The following VPS13C variants were observed in gnomAD, a reference collection of about 807,000 sequenced individuals.
The protein encoded by VPS13C is intermembrane lipid transfer protein VPS13C.
Under a neutral mutation model 456.8 loss-of-function variants are expected in VPS13C, and 358 were observed. That is an observed-to-expected ratio of 0.78 (90% CI 0.72 to 0.86). VPS13C has a LOEUF of 0.86. Ranked by LOEUF, VPS13C falls within the 40% of genes least tolerant of loss-of-function variation. The probability of loss-of-function intolerance (pLI) is 0.00; values close to 1 mark genes in which losing one functional copy is unlikely to be tolerated. For missense variants in VPS13C, 4,818 were observed against 4,385.4 expected, an observed-to-expected ratio of 1.10 and a Z score of -2.79; for synonymous variants, 1,578 against 1,486.7, an observed-to-expected ratio of 1.06 and a Z score of -1.41.
intron 40 of VPS13C, 56 bp downstream of exon 40, chr15:61,950,889 G>T (rs1159008030): frequency 3.4e-6 from 2 of 586,940 alleles, no homozygotes; most frequent in Non-Finnish European, 4.8e-6. Flanking sequence ...AAATATAAGG[G>T]TAATATAACT....
At chr15:61,909,147 T>C (rs1217762176) in intron 64 of VPS13C, 22 bp from the exon 65 acceptor site, 1 of 1,603,568 alleles carries the variant, frequency 6.2e-7, no homozygotes, top group Admixed American at 1.7e-5. Context: ...AAAAAAAAAG[T>C]ATGTTTGATG....
chr15:61,945,083 T>C (rs933859902), intron 45 of VPS13C, among the ~76,000 whole-genome samples: 1 of 152,194 alleles, frequency 6.6e-6, no homozygotes, highest in Non-Finnish European at 1.5e-5. Flanking sequence ...TAAGAGGCTC[T>C]TCACCCTAAG....
chr15:61,977,765 C>A (rs1417037076), intron 23 of VPS13C, among the ~76,000 whole-genome samples: 1 of 151,894 alleles, frequency 6.6e-6, no homozygotes, highest in Non-Finnish European at 1.5e-5. Context: ...ATGACAATGA[C>A]TGAAAATCTT....
intron 51 of VPS13C, among the ~76,000 whole-genome samples, chr15:61,928,088 T>TGCTAAATGACGAGTTAATGGGTACA (rs1317358365): frequency 2.0e-5 from 3 of 151,852 alleles, no homozygotes; most frequent in Non-Finnish European, 2.9e-5. Flanking sequence ...ATATACCTAA[T>TGCTAAATGACGAGTTAATGGGTACA]GCTAAATGAC....
intron 53 of VPS13C, among the ~76,000 whole-genome samples, chr15:61,924,910 T>C (rs2043794165): frequency 6.6e-6 from 1 of 152,208 alleles, no homozygotes; most frequent in African/African-American, 2.4e-5. Flanking sequence ...GGGCACGAGG[T>C]ATACTTAAAG....
At chr15:61,910,370 C>G in intron 63 of VPS13C, 65 bp from the exon 64 acceptor site, 1 of 1,232,416 alleles carries the variant, frequency 8.1e-7, no homozygotes, top group Non-Finnish European at 1.0e-6. Context: ...AAGACATTAC[C>G]TAATTAAATT....
intron 15 of VPS13C, among the ~76,000 whole-genome samples, chr15:62,006,116 T>C (rs1392766170): frequency 1.3e-5 from 2 of 151,900 alleles, no homozygotes; most frequent in Non-Finnish European, 2.9e-5. Context: ...TTTTTATTAT[T>C]ATTATACTTT....
chr15:61,860,249 A>C (rs1894146083), intron 82 of VPS13C, among the ~76,000 whole-genome samples: 1 of 152,194 alleles, frequency 6.6e-6, no homozygotes, highest in Non-Finnish European at 1.5e-5. Context: ...GCTCAACAGT[A>C]ATCAAAGAAA....
intron 67 of VPS13C, among the ~76,000 whole-genome samples, chr15:61,889,104 G>C (rs1896484523): frequency 6.6e-6 from 1 of 151,810 alleles, no homozygotes; most frequent in Non-Finnish European, 1.5e-5. Context: ...TCATAAAAAA[G>C]GTAATGAAGT....
At chr15:61,984,113 G>T in intron 19 of VPS13C, 101 bp from the exon 20 acceptor site, 1 of 1,040,886 alleles carries the variant, frequency 9.6e-7, no homozygotes, top group Non-Finnish European at 1.4e-6. Context: ...TGAGAACCAG[G>T]ACCATCCATG....
At chr15:62,003,857 C>A (rs1313922799) in intron 15 of VPS13C, among the ~76,000 whole-genome samples, 1 of 151,532 alleles carries the variant, frequency 6.6e-6, no homozygotes, top group Non-Finnish European at 1.5e-5. Context: ...GCCTTGCATC[C>A]CAGGGATGAA....
chr15:62,037,190 T>C (rs1166641752), intron 3 of VPS13C, among the ~76,000 whole-genome samples: 1 of 114,454 alleles, frequency 8.7e-6, no homozygotes, highest in Non-Finnish European at 1.7e-5. Context: ...TAAATATAAA[T>C]ATAATAAATA....
chr15:61,990,848 A>G lies in VPS13C; in HGVS notation c.1578+152T>C, dbSNP rs923194193. 5 of 587,890 alleles carry G rather than the reference A, an allele frequency of 8.5e-6. No homozygotes were observed. The Admixed American group carries it at 1.5e-4, about 17-fold the overall frequency. 36.4% of individuals were successfully genotyped at this position (587,890 alleles called of 1,614,324 possible). ...AAAATAAAGTTAGAGAGAGAATTTTAATTGGTAAAACCTGACTGAAACATT... is the reference window on the plus strand; with the variant it reads ...AAAATAAAGTTAGAGAGAGAATTTTGATTGGTAAAACCTGACTGAAACATT... On this transcript the variant is annotated intron_variant, in intron 18 of 84. Transcript: ENST00000644861.
chr15:61,878,600 GTCT>G lies in VPS13C; in HGVS notation c.10142+4_10142+6del. ...TGCTTCTCAATGTACTCTAACAGAA[GTCT>G]TACTTGAATATAAGGTCATCCACAT... On this transcript the variant is annotated splice_donor_5th_base_variant and intron_variant, in intron 74 of 84. Transcript: ENST00000644861. The G allele has an allele frequency of 3.7e-6, 6 of 1,606,306 alleles. No homozygotes were observed. The highest frequency in any genetic ancestry group is 5.1e-6 in the Non-Finnish European group (6 of 1,177,282).
intron 16 of VPS13C, among the ~76,000 whole-genome samples, chr15:61,996,936 T>C (rs866835496): frequency 2.0e-5 from 3 of 150,538 alleles, no homozygotes; most frequent in South Asian, 4.2e-4. Context: ...ATCTTATATA[T>C]GAATACATAT....
At chr15:62,006,671 A>C (rs936700166) in intron 15 of VPS13C, among the ~76,000 whole-genome samples, 14 of 152,192 alleles carry the variant, frequency 9.2e-5, no homozygotes, top group Non-Finnish European at 5.9e-5. Context: ...ATCCCTGAGG[A>C]ATCGCCACAC....
At chr15:61,998,360 T>C (rs1478579552) in intron 16 of VPS13C, among the ~76,000 whole-genome samples, 2 of 152,176 alleles carry the variant, frequency 1.3e-5, no homozygotes, top group African/African-American at 4.8e-5. Flanking sequence ...ATTAACCTTG[T>C]CCCCTACTAC....
chr15:61,892,839 T>C (rs996138671), intron 66 of VPS13C, among the ~76,000 whole-genome samples: 3 of 152,166 alleles, frequency 2.0e-5, no homozygotes, highest in Non-Finnish European at 4.4e-5. Flanking sequence ...TGAAATAAAT[T>C]TGCTGAACTG....
At chr15:62,032,811 T>C (rs1057286159) in intron 5 of VPS13C, among the ~76,000 whole-genome samples, 9 of 151,776 alleles carry the variant, frequency 5.9e-5, no homozygotes, top group Non-Finnish European at 1.0e-4. Flanking sequence ...AATAGATGTC[T>C]GGAAAAGTCC....
Sources: gnomAD v4.1 joint callset for allele counts (sites outside exome capture counted in the v4.1 genomes callset) on GRCh38, gnomAD v4.1.1 for gene constraint, MANE v1.5 for transcripts, NCBI Gene and HGNC (gene_info 2026-07-23, HGNC 2026-07-21) for gene names.